MEIS2: variants seen among roughly 807,000 people sequenced by gnomAD.
MEIS2 encodes the protein homeobox protein Meis2.
In MEIS2, 9 loss-of-function variants were observed where a neutral mutation model predicts 58.6. The observed-to-expected ratio is 0.15, with a 90% confidence interval of 0.09 to 0.27. The LOEUF (loss-of-function observed/expected upper bound fraction) is 0.27. Ranked by LOEUF, MEIS2 falls within the 10% of genes least tolerant of loss-of-function variation. The pLI is 1.00. For synonymous variants in MEIS2, 221 were observed against 228.4 expected (o/e 0.97, Z 0.29); for missense variants, 427 against 635.0 (o/e 0.67, Z 3.52).
At chr15:36,976,130 G>C (rs2059742292) in intron 8 of MEIS2, among the ~76,000 whole-genome samples, 1 of 152,030 alleles carries the variant, frequency 6.6e-6, no homozygotes, top group Non-Finnish European at 1.5e-5. Context: ...TGTCACCCAG[G>C]CTGGAGTGCA....
At chr15:36,943,412 G>A (rs1470525945) in intron 9 of MEIS2, among the ~76,000 whole-genome samples, 1 of 152,120 alleles carries the variant, frequency 6.6e-6, no homozygotes, top group East Asian at 1.9e-4. Flanking sequence ...ATGAAAGAGA[G>A]GAGGATAATT....
At chr15:37,046,840 T>A (rs74008839) in intron 7 of MEIS2, among the ~76,000 whole-genome samples, 3 of 43,114 alleles carry the variant, frequency 7.0e-5, no homozygotes, top group African/African-American at 3.1e-4. Flanking sequence ...TTAAAAAATA[T>A]ATATATATAT....
In MEIS2 at chr15:36,918,618, A is replaced by T. The variant is rs16964301; in HGVS notation, c.978-21932T>A. 4.6e-5 allele frequency among the ~76,000 whole-genome samples: 7 copies of T among 152,262 alleles called. No individual in the cohort carries two copies. The East Asian group carries it at 1.2e-3, about 25-fold the overall frequency. ...CAATAACCATGCAATAAGATGAAAG[A>T]GTCTCAATGCCAGAAGAGTGGCCAT... On this transcript the variant is annotated intron_variant, in intron 9 of 11. Coordinates refer to ENST00000561208, the MANE Select transcript of MEIS2 (RefSeq NM_170675.5).
chr15:37,088,984 G>A (rs1186607474), intron 6 of MEIS2, among the ~76,000 whole-genome samples: 1 of 152,120 alleles, frequency 6.6e-6, no homozygotes, highest in Non-Finnish European at 1.5e-5. Flanking sequence ...TCTCATCACA[G>A]TTACACTGAA....
intron 11 of MEIS2, among the ~76,000 whole-genome samples, chr15:36,892,985 T>C (rs1457077622): frequency 6.6e-6 from 1 of 152,230 alleles, no homozygotes; most frequent in East Asian, 1.9e-4. Context: ...AGCCCCCTTT[T>C]TGAATTAGAG....
At chr15:37,061,162 C>A (rs1889163811) in intron 7 of MEIS2, among the ~76,000 whole-genome samples, 1 of 152,072 alleles carries the variant, frequency 6.6e-6, no homozygotes, top group East Asian at 1.9e-4. Context: ...CTCTAGATAT[C>A]CCATCTATAA....
rs142706419 is a variant in MEIS2 at position 37,043,121 on chromosome 15, T to C, written c.755-6162A>G. Reference sequence around the variant, plus strand: ...CAGAGAAATAAGACAAATTAATATGTATTTGGTTAACAGTACTGGTACTTC... The same window carrying C: ...CAGAGAAATAAGACAAATTAATATGCATTTGGTTAACAGTACTGGTACTTC... On this transcript the variant is annotated intron_variant, in intron 7 of 11. Coordinates refer to ENST00000561208, the MANE Select transcript of MEIS2 (RefSeq NM_170675.5). 5.4e-4 allele frequency among the ~76,000 whole-genome samples: 83 copies of C among 152,328 alleles called. 1 individual carries two copies. The highest frequency in any genetic ancestry group is 1.8e-3 in the African/African-American group (74 of 41,590).
At chr15:37,048,141 G>C (rs1216120709) in intron 7 of MEIS2, among the ~76,000 whole-genome samples, 1 of 152,008 alleles carries the variant, frequency 6.6e-6, no homozygotes, top group African/African-American at 2.4e-5. Flanking sequence ...CCTACAAAAG[G>C]CCGTTTATAT....
At chr15:37,017,021 A>G (rs1222364071) in intron 8 of MEIS2, among the ~76,000 whole-genome samples, 1 of 152,206 alleles carries the variant, frequency 6.6e-6, no homozygotes, top group African/African-American at 2.4e-5. Flanking sequence ...AAGTATTTCT[A>G]ATTTGTGCTA....
rs1048055801 is a variant in MEIS2, at chr15:37,100,442, G to T, written c.-976C>A. 6.5e-6 allele frequency: 1 copy of T among 152,906 alleles called. No individual in the cohort carries two copies. Among genetic ancestry groups the T allele is most frequent in the Non-Finnish European group, 1.5e-5 (1 of 68,384 alleles). 9.5% of individuals were successfully genotyped at this position (152,906 alleles called of 1,614,324 possible). A position where few individuals can be genotyped will look rare whatever the true frequency, so the allele number is the denominator to read the frequency against. On this transcript the variant is annotated 5_prime_UTR_variant, in exon 1 of 12. Coordinates refer to ENST00000561208, the MANE Select transcript of MEIS2 (RefSeq NM_170675.5). ...CGGGAGAACGAAATGACGGAACCCG[G>T]AAGTCGTGGTGGCCATAGCCCGTCG...
chr15:36,947,610 T>C (rs1042971976), intron 9 of MEIS2, among the ~76,000 whole-genome samples: 5 of 151,964 alleles, frequency 3.3e-5, no homozygotes, highest in African/African-American at 1.2e-4. Flanking sequence ...ATTTTTATGC[T>C]TTTTTACTGC....
intron 9 of MEIS2, among the ~76,000 whole-genome samples, chr15:36,935,363 T>C (rs2058128702): frequency 6.6e-6 from 1 of 152,074 alleles, no homozygotes; most frequent in Admixed American, 6.6e-5. Flanking sequence ...TTTGAAGACT[T>C]GTTGAGGTTC....
intron 8 of MEIS2, among the ~76,000 whole-genome samples, chr15:37,024,924 AC>A (rs2061649808): frequency 6.6e-6 from 1 of 152,212 alleles, no homozygotes; most frequent in African/African-American, 2.4e-5. Flanking sequence ...AAGTGACAAT[AC>A]GTTTATTGTG....
chr15:37,001,810 A>G lies in MEIS2; in HGVS notation c.900+35004T>C, dbSNP rs184652481. ...TTCATCCATGGCAATAGTTTATAGA[A>G]TAAGAGGTTCGATATACAAATTATA... On this transcript the variant is annotated intron_variant, in intron 8 of 11. Coordinates refer to ENST00000561208, the MANE Select transcript of MEIS2 (RefSeq NM_170675.5). Among the ~76,000 whole-genome samples the G allele has an allele frequency of 2.0e-3, 299 of 152,344 alleles. 2 individuals are homozygous for G. The highest frequency in any genetic ancestry group is 6.9e-3 in the African/African-American group (288 of 41,572).
intron 8 of MEIS2, among the ~76,000 whole-genome samples, chr15:36,970,265 G>A (rs920137129): frequency 1.2e-4 from 18 of 152,002 alleles, no homozygotes; most frequent in Admixed American, 3.3e-4. Context: ...TTAGCCAGGC[G>A]TGGTGGCGGG....
intron 8 of MEIS2, among the ~76,000 whole-genome samples, chr15:36,994,171 A>C (rs2060396509): frequency 6.6e-6 from 1 of 152,174 alleles, no homozygotes; most frequent in Non-Finnish European, 1.5e-5. Context: ...GGCAGGAAAG[A>C]CTGTATAAAT....
intron 7 of MEIS2, among the ~76,000 whole-genome samples, chr15:37,041,615 C>T (rs1004146513): frequency 1.2e-4 from 18 of 152,106 alleles, no homozygotes; most frequent in Admixed American, 5.9e-4. Flanking sequence ...GGGATACCAT[C>T]GGCATCTGGG....
At chr15:36,950,872 T>C (rs2098463485) in intron 8 of MEIS2, among the ~76,000 whole-genome samples, 1 of 152,094 alleles carries the variant, frequency 6.6e-6, no homozygotes, top group Non-Finnish European at 1.5e-5. Context: ...GTTTAGAAAG[T>C]GAGGTAGTAT....
chr15:36,953,941 A>C (rs1046479307), intron 8 of MEIS2, among the ~76,000 whole-genome samples: 4 of 152,194 alleles, frequency 2.6e-5, no homozygotes, highest in African/African-American at 4.8e-5. Flanking sequence ...GAACCACCTA[A>C]TAGTCAACTT....
Sources: gnomAD v4.1 joint callset for allele counts (sites outside exome capture counted in the v4.1 genomes callset) on GRCh38, gnomAD v4.1.1 for gene constraint, MANE v1.5 for transcripts, NCBI Gene and HGNC (gene_info 2026-07-23, HGNC 2026-07-21) for gene names.